ST6GALNAC3: variants seen among roughly 807,000 people sequenced by gnomAD.
The protein encoded by ST6GALNAC3 is ST6 N-acetylgalactosaminide alpha-2,6-sialyltransferase 3, also known as alpha-N-acetylgalactosaminide alpha-2,6-sialyltransferase 3.
A neutral mutation model predicts 32.7 loss-of-function variants in ST6GALNAC3; 25 were observed. The ratio of observed to expected loss-of-function variants is 0.76; its 90% CI spans 0.56 to 1.07. The LOEUF is 1.07. Among genes scored for constraint, ST6GALNAC3 ranks in the 50% least tolerant of loss-of-function variants. The pLI is 0.00. For missense variants in ST6GALNAC3, 355 were observed against 382.4 expected (o/e 0.93, Z 0.60); for synonymous variants, 129 against 133.1 (o/e 0.97, Z 0.21).
At chr1:76,481,967 C>T (rs188520375) in intron 3 of ST6GALNAC3, among the ~76,000 whole-genome samples, 2 of 152,190 alleles carry the variant, frequency 1.3e-5, no homozygotes, top group East Asian at 1.9e-4. Context: ...AGGCATTTGT[C>T]CTACCCAAAA....
chr1:76,520,456 C>T (rs1456175002), intron 3 of ST6GALNAC3, among the ~76,000 whole-genome samples: 1 of 151,988 alleles, frequency 6.6e-6, no homozygotes, highest in Non-Finnish European at 1.5e-5. Flanking sequence ...GCATAGTATA[C>T]ACACACATAC....
chr1:76,556,638 T>A (rs1664944100), intron 3 of ST6GALNAC3, among the ~76,000 whole-genome samples: 1 of 152,166 alleles, frequency 6.6e-6, no homozygotes, highest in Non-Finnish European at 1.5e-5. Flanking sequence ...ATGTTGAGCA[T>A]CTTTTCCTGT....
chr1:76,331,464 C>A (rs6673488), intron 2 of ST6GALNAC3, among the ~76,000 whole-genome samples: 2,191 of 152,268 alleles, frequency 0.014, 46 homozygotes, highest in African/African-American at 0.05. Flanking sequence ...AGAACCTTTG[C>A]TCCACCTTTC....
chr1:76,444,331 C>T (rs1427589672), intron 3 of ST6GALNAC3, among the ~76,000 whole-genome samples: 1 of 152,136 alleles, frequency 6.6e-6, no homozygotes, highest in Non-Finnish European at 1.5e-5. Flanking sequence ...CAAATTCTCC[C>T]AGATGGCTCC....
At chr1:76,371,974 G>A (rs1396366147) in intron 2 of ST6GALNAC3, among the ~76,000 whole-genome samples, 7 of 152,202 alleles carry the variant, frequency 4.6e-5, no homozygotes, top group Middle Eastern at 3.4e-3. Context: ...GATTTCTTCC[G>A]GGTTCATCTG....
At chr1:76,377,149 GA>G (rs1448587777) in intron 2 of ST6GALNAC3, among the ~76,000 whole-genome samples, 1 of 152,134 alleles carries the variant, frequency 6.6e-6, no homozygotes, top group African/African-American at 2.4e-5. Flanking sequence ...AAGCACTTCA[GA>G]AGTCATGCAA....
chr1:76,431,208 C>A (rs539657173), intron 3 of ST6GALNAC3, among the ~76,000 whole-genome samples: 1 of 152,114 alleles, frequency 6.6e-6, no homozygotes, highest in South Asian at 2.1e-4. Context: ...CTTAGATAAC[C>A]CCAGAAACAA....
chr1:76,171,965 C>T (rs1214935310), intron 1 of ST6GALNAC3, among the ~76,000 whole-genome samples: 1 of 152,080 alleles, frequency 6.6e-6, no homozygotes, highest in Admixed American at 6.5e-5. Context: ...AAAGGAGGGA[C>T]TCCTCCCTAA....
At chr1:76,207,541 TC>T (rs1347253943) in intron 1 of ST6GALNAC3, among the ~76,000 whole-genome samples, 2 of 152,172 alleles carry the variant, frequency 1.3e-5, no homozygotes, top group African/African-American at 4.8e-5. Context: ...GTGAGGTTCA[TC>T]CCAAGACAGA....
chr1:76,567,122 T>C (rs1665600828), intron 3 of ST6GALNAC3, among the ~76,000 whole-genome samples: 1 of 152,218 alleles, frequency 6.6e-6, no homozygotes. Context: ...GTTCTATATG[T>C]AGAAAGCAAA....
intron 2 of ST6GALNAC3, among the ~76,000 whole-genome samples, chr1:76,377,011 C>T (rs1171595163): frequency 6.6e-6 from 1 of 152,000 alleles, no homozygotes; most frequent in Non-Finnish European, 1.5e-5. Context: ...CTTTGTCTTA[C>T]CTACAAGTTA....
chr1:76,211,641 T>C (rs1173043464), intron 1 of ST6GALNAC3, among the ~76,000 whole-genome samples: 1 of 152,144 alleles, frequency 6.6e-6, no homozygotes, highest in Admixed American at 6.5e-5. Flanking sequence ...TGTAGGGACA[T>C]GGATGAAGCT....
chr1:76,158,485 C>T (rs1009337050), intron 1 of ST6GALNAC3, among the ~76,000 whole-genome samples: 7 of 152,178 alleles, frequency 4.6e-5, no homozygotes, highest in Non-Finnish European at 8.8e-5. Context: ...TGGGGTGGCC[C>T]CAAGTCTGGA....
chr1:76,247,291 T>C (rs998150011), intron 1 of ST6GALNAC3, among the ~76,000 whole-genome samples: 2 of 152,188 alleles, frequency 1.3e-5, no homozygotes, highest in East Asian at 1.9e-4. Context: ...AGGGACCCAC[T>C]TGAGGAGGCA....
chr1:76,113,991 A>ATTTTTTTTTTTTTTTTTTTTTT (rs754290749), intron 1 of ST6GALNAC3, among the ~76,000 whole-genome samples: 1 of 125,172 alleles, frequency 8.0e-6, no homozygotes, highest in African/African-American at 3.2e-5. Context: ...CGCCCGGCTA[A>ATTTTTTTTTTTTTTTTTTTTTT]TTTTTTTTTT....
intron 3 of ST6GALNAC3, among the ~76,000 whole-genome samples, chr1:76,437,449 C>T (rs566530666): frequency 2.6e-4 from 39 of 151,972 alleles, no homozygotes; most frequent in African/African-American, 7.2e-4. Flanking sequence ...TGTGCTTTTC[C>T]GATTTCCAAG....
At chr1:76,076,149 G>A (rs1169233923) in intron 1 of ST6GALNAC3, among the ~76,000 whole-genome samples, 2 of 152,182 alleles carry the variant, frequency 1.3e-5, no homozygotes, top group Non-Finnish European at 2.9e-5. Context: ...ATTTGACCGG[G>A]AGGCTCTTAG....
intron 1 of ST6GALNAC3, among the ~76,000 whole-genome samples, chr1:76,228,862 G>A (rs959222272): frequency 5.3e-5 from 8 of 152,110 alleles, no homozygotes; most frequent in East Asian, 1.9e-4. Context: ...GTTTCTGCCC[G>A]GAGAAGGTCA....
Position 76,545,876 on chromosome 1 carries a change from C to T in ST6GALNAC3, c.624-81576C>T, listed in dbSNP as rs1001219922. On this transcript the variant is annotated intron_variant, in intron 3 of 4. Coordinates refer to ENST00000328299, the MANE Select transcript of ST6GALNAC3 (RefSeq NM_152996.4). Reference sequence around the variant, plus strand: ...GTTTCTCCATGTTGGTCAGGCTGGTCGCAAACTCCTGACCTCAGGTGATCC... The same window carrying T: ...GTTTCTCCATGTTGGTCAGGCTGGTTGCAAACTCCTGACCTCAGGTGATCC... Among the ~76,000 whole-genome samples the T allele has an allele frequency of 1.2e-4, 18 of 152,228 alleles. No homozygotes were observed. In the South Asian group the frequency reaches 3.5e-3, roughly 30 times the overall value.
Sources: allele counts gnomAD v4.1 joint callset (sites outside exome capture counted in the v4.1 genomes callset), GRCh38; gene constraint gnomAD v4.1.1; transcripts MANE v1.5; gene names NCBI Gene and HGNC (gene_info 2026-07-23, HGNC 2026-07-21).